Variants in ARB2A observed in about 807,000 individuals in gnomAD.
ARB2A encodes ARB2 cotranscriptional regulator A, also known as cotranscriptional regulator ARB2A.
At chr5:93,903,326 T>C in the ARB2A span, among the ~76,000 whole-genome samples, 1 of 152,050 alleles carries the variant, frequency 6.6e-6, no homozygotes, top group African/African-American at 2.4e-5. Flanking sequence ...CTAAAACTGC[T>C]AATATTACCC....
At chr5:93,664,430 C>T in the ARB2A span, among the ~76,000 whole-genome samples, 4 of 151,732 alleles carry the variant, frequency 2.6e-5, no homozygotes, top group Non-Finnish European at 4.4e-5. Flanking sequence ...AATAATATGG[C>T]TTCATCCTGG....
chr5:94,049,265 C>G, the ARB2A span, among the ~76,000 whole-genome samples: 1 of 152,160 alleles, frequency 6.6e-6, no homozygotes, highest in Non-Finnish European at 1.5e-5. Context: ...ACCTAATGTT[C>G]ACAAGGCCTA....
chr5:93,853,858 G>T, the ARB2A span, among the ~76,000 whole-genome samples: 1 of 152,116 alleles, frequency 6.6e-6, no homozygotes, highest in South Asian at 2.1e-4. Flanking sequence ...GATTCAGTTT[G>T]CCAGTATTTT....
At chr5:93,771,159 C>T in the ARB2A span, among the ~76,000 whole-genome samples, 1 of 151,866 alleles carries the variant, frequency 6.6e-6, no homozygotes, top group Non-Finnish European at 1.5e-5. Flanking sequence ...CGCATATCTA[C>T]AACTATCTGA....
chr5:94,064,918 A>G, the ARB2A span, among the ~76,000 whole-genome samples: 1 of 152,220 alleles, frequency 6.6e-6, no homozygotes, highest in African/African-American at 2.4e-5. Context: ...TGTTAGAGGA[A>G]ACACACAAAT....
chr5:93,803,329 T>C, the ARB2A span, among the ~76,000 whole-genome samples: 3 of 152,040 alleles, frequency 2.0e-5, no homozygotes. Context: ...ATACTACAGC[T>C]TTCATCTTTA....
chr5:93,666,691 C>T, the ARB2A span, among the ~76,000 whole-genome samples: 1 of 152,058 alleles, frequency 6.6e-6, no homozygotes, highest in African/African-American at 2.4e-5. Flanking sequence ...CCCCTATTAC[C>T]ACGTCCATAG....
the ARB2A span, among the ~76,000 whole-genome samples, chr5:93,637,488 T>G: frequency 6.6e-6 from 1 of 150,688 alleles, no homozygotes; most frequent in Non-Finnish European, 1.5e-5. Flanking sequence ...ATAAATGCAA[T>G]AATGCAATTG....
the ARB2A span, among the ~76,000 whole-genome samples, chr5:93,966,716 T>A: frequency 6.6e-6 from 1 of 152,032 alleles, no homozygotes; most frequent in Non-Finnish European, 1.5e-5. Context: ...ACAGATCACA[T>A]GTCAACTCCT....
the ARB2A span, among the ~76,000 whole-genome samples, chr5:93,970,982 T>C: frequency 6.6e-6 from 1 of 152,052 alleles, no homozygotes; most frequent in African/African-American, 2.4e-5. Context: ...TTTAAAAATA[T>C]TTTGAAGATA....
At chr5:93,809,178 T>A in the ARB2A span, among the ~76,000 whole-genome samples, 1 of 152,044 alleles carries the variant, frequency 6.6e-6, no homozygotes, top group Non-Finnish European at 1.5e-5. Context: ...GTTCACTATT[T>A]GAAGCAGTTT....
At chr5:94,042,860 A>G in the ARB2A span, among the ~76,000 whole-genome samples, 1 of 152,182 alleles carries the variant, frequency 6.6e-6, no homozygotes, top group South Asian at 2.1e-4. Flanking sequence ...TGTTATTAGT[A>G]CATATTACAA....
chr5:93,889,136 G>A, the ARB2A span, among the ~76,000 whole-genome samples: 7 of 151,694 alleles, frequency 4.6e-5, no homozygotes, highest in African/African-American at 7.2e-5. Flanking sequence ...GGAGAAAAGG[G>A]TAATGATAAA....
At chr5:93,717,542 C>T in the ARB2A span, among the ~76,000 whole-genome samples, 1 of 150,802 alleles carries the variant, frequency 6.6e-6, no homozygotes, top group African/African-American at 2.4e-5. Flanking sequence ...TACACATACG[C>T]AGAGGAATTT....
At chr5:93,757,587 A>G in the ARB2A span, among the ~76,000 whole-genome samples, 2 of 152,184 alleles carry the variant, frequency 1.3e-5, no homozygotes, top group Non-Finnish European at 2.9e-5. Flanking sequence ...AGTCTCCTCA[A>G]ACAAAACAAT....
the ARB2A span, among the ~76,000 whole-genome samples, chr5:93,762,221 G>A: frequency 6.6e-6 from 1 of 152,210 alleles, no homozygotes; most frequent in Non-Finnish European, 1.5e-5. Context: ...GATGAGTTGA[G>A]AGAAGAAGGC....
chr5:93,866,531 A>T, the ARB2A span, among the ~76,000 whole-genome samples: 1 of 152,192 alleles, frequency 6.6e-6, no homozygotes, highest in African/African-American at 2.4e-5. Context: ...AGAGAAAAAA[A>T]CAGAGGGATG....
the ARB2A span, among the ~76,000 whole-genome samples, chr5:94,045,775 T>C: frequency 6.6e-6 from 1 of 152,248 alleles, no homozygotes; most frequent in Non-Finnish European, 1.5e-5. Flanking sequence ...GAGTGATAAG[T>C]AGCATAAGAG....
the ARB2A span, among the ~76,000 whole-genome samples, chr5:94,012,012 GAGACT>G: frequency 6.7e-6 from 1 of 148,676 alleles, no homozygotes; most frequent in Non-Finnish European, 1.5e-5. Flanking sequence ...GGGAAAACCA[GAGACT>G]AGTGTGACAT....
Sources: gnomAD v4.1 joint callset for allele counts (sites outside exome capture counted in the v4.1 genomes callset) on GRCh38, gnomAD v4.1.1 for gene constraint, MANE v1.5 for transcripts, NCBI Gene and HGNC (gene_info 2026-07-23, HGNC 2026-07-21) for gene names.